Variants in GPATCH8 observed in about 807,000 individuals in gnomAD.
GPATCH8 encodes G-patch domain containing 8.
GPATCH8 carries 18 observed loss-of-function variants against 118.3 expected under a neutral mutation model. That is an observed-to-expected ratio of 0.15 (90% CI 0.11 to 0.23). The LOEUF (loss-of-function observed/expected upper bound fraction) is 0.23, where lower values mean the gene tolerates loss of function less well. Among genes scored for constraint, GPATCH8 ranks in the 10% least tolerant of loss-of-function variants. GPATCH8 has a pLI of 1.00. For missense variants in GPATCH8, 1,631 were observed against 1,873.8 expected (o/e 0.87, Z 2.39); for synonymous variants, 659 against 684.7 (o/e 0.96, Z 0.59).
intron 3 of GPATCH8, among the ~76,000 whole-genome samples, chr17:44,448,514 GGAAGAAGGA>G (rs1568003932): frequency 2.9e-4 from 30 of 102,324 alleles, no homozygotes; most frequent in African/African-American, 1.1e-3. Flanking sequence ...GGGGGGGGGG[GGAAGAAGGA>G]GGAAGAAGAA....
chr17:44,477,635 C>A (rs1598600942), intron 1 of GPATCH8, among the ~76,000 whole-genome samples: 2 of 141,500 alleles, frequency 1.4e-5, no homozygotes, highest in African/African-American at 5.3e-5. Context: ...AAAGTCTATC[C>A]AAATAAAGAA....
At chr17:44,478,905 T>C (rs1967992706) in intron 1 of GPATCH8, among the ~76,000 whole-genome samples, 2 of 151,666 alleles carry the variant, frequency 1.3e-5, no homozygotes, top group Non-Finnish European at 2.9e-5. Flanking sequence ...CGCCCGGCTG[T>C]TTTTTATTTT....
intron 6 of GPATCH8, among the ~76,000 whole-genome samples, chr17:44,407,460 G>A (rs1035873326): frequency 2.6e-5 from 4 of 152,112 alleles, no homozygotes; most frequent in African/African-American, 9.7e-5. Context: ...ACATATATAT[G>A]TGTACATACA....
intron 1 of GPATCH8, among the ~76,000 whole-genome samples, chr17:44,481,738 A>T (rs750363964): frequency 2.6e-5 from 4 of 152,314 alleles, no homozygotes; most frequent in Admixed American, 6.5e-5. Flanking sequence ...TTTCACCTCT[A>T]AAAAATGTAT....
At chr17:44,429,953 C>T (rs1263695709) in intron 5 of GPATCH8, among the ~76,000 whole-genome samples, 5 of 152,010 alleles carry the variant, frequency 3.3e-5, no homozygotes, top group African/African-American at 7.2e-5. Context: ...TGCTTGAACC[C>T]GGGAGGCACA....
At position 44,491,532 on chromosome 17, in the gene GPATCH8, A is replaced by G. The variant is rs544939137; in HGVS notation, c.45+11794T>C. On this transcript the variant is annotated intron_variant, in intron 1 of 7. Coordinates refer to ENST00000591680, the MANE Select transcript of GPATCH8 (RefSeq NM_001002909.4). ...AATTCTTACAACTTCTTTGAAAAACATTTTTAAATGAATAATATTACTCAA... is the reference window on the plus strand; with the variant it reads ...AATTCTTACAACTTCTTTGAAAAACGTTTTTAAATGAATAATATTACTCAA... 4.6e-5 allele frequency among the ~76,000 whole-genome samples: 7 copies of G among 151,960 alleles called. No homozygotes were observed. The South Asian group carries it at 1.5e-3, about 32-fold the overall frequency.
intron 6 of GPATCH8, among the ~76,000 whole-genome samples, chr17:44,406,256 A>G (rs1227107945): frequency 6.6e-6 from 1 of 152,178 alleles, no homozygotes; most frequent in Admixed American, 6.5e-5. Flanking sequence ...TCTAATTAGG[A>G]CAGCATATCA....
At chr17:44,489,459 G>C (rs1053966826) in intron 1 of GPATCH8, among the ~76,000 whole-genome samples, 2 of 151,302 alleles carry the variant, frequency 1.3e-5, no homozygotes, top group Non-Finnish European at 2.9e-5. Flanking sequence ...TCCCACCTTA[G>C]CCTCCCAAGT....
chr17:44,443,539 G>A (rs2050773534), intron 3 of GPATCH8, among the ~76,000 whole-genome samples: 1 of 151,396 alleles, frequency 6.6e-6, no homozygotes, highest in Non-Finnish European at 1.5e-5. Flanking sequence ...GAGTTTTTAA[G>A]GTTTAAAAAA....
intron 6 of GPATCH8, among the ~76,000 whole-genome samples, chr17:44,406,508 G>GGGGGTT (rs1555622781): frequency 2.1e-5 from 2 of 94,310 alleles, no homozygotes; most frequent in Admixed American, 1.1e-4. Context: ...GGGGGGGGGG[G>GGGGGTT]TTATTTAAAT....
intron 1 of GPATCH8, among the ~76,000 whole-genome samples, chr17:44,482,624 T>C: frequency 6.7e-6 from 1 of 148,722 alleles, no homozygotes; most frequent in East Asian, 2.0e-4. Context: ...GGTTCGTAGG[T>C]GCAGCAAACC....
chr17:44,483,597 A>C (rs544371702), intron 1 of GPATCH8, among the ~76,000 whole-genome samples: 38 of 151,494 alleles, frequency 2.5e-4, no homozygotes, highest in African/African-American at 9.0e-4. Context: ...TTTCATACTT[A>C]CTGCATTTTA....
At chr17:44,418,853 T>TAG (rs1555626264) in intron 6 of GPATCH8, among the ~76,000 whole-genome samples, 1 of 152,232 alleles carries the variant, frequency 6.6e-6, no homozygotes, top group African/African-American at 2.4e-5. Context: ...GGCCTACTCT[T>TAG]AGAGATTTCA....
chr17:44,424,471 C>T lies in GPATCH8; in HGVS notation c.370G>A (p.Ala124Thr). ...KYKDYVDKEKAIAKALEDLRA... is the reference protein window; with the variant it reads ...KYKDYVDKEKTIAKALEDLRA... ...AGGTCTTCCAAGGCTTTGGCAATTG[C>T]CTTCTCTTTGTCAACATAATCCTTC... Residue 124 changes from alanine (A) to threonine (T), a missense_variant, in exon 6 of 8, where the codon GCA (alanine) becomes ACA (threonine). Physicochemically the swap from Ala to Thr is moderately conservative, Grantham distance 58. Around this residue, in one of 8 missense-constraint regions of GPATCH8, gnomAD observed 81 missense variants for 227.6 expected, o/e 0.36. Transcript: ENST00000591680. The T allele has an allele frequency of 3.7e-6, 6 of 1,608,296 alleles. No homozygotes were observed. Among genetic ancestry groups the T allele is most frequent in the Non-Finnish European group, 5.1e-6 (6 of 1,174,836 alleles).
intron 3 of GPATCH8, among the ~76,000 whole-genome samples, chr17:44,448,555 GGAAGAAGAAGAGGAAGAGGAA>G (rs1244128726): frequency 7.7e-4 from 77 of 99,750 alleles, no homozygotes; most frequent in African/African-American, 2.5e-3. Flanking sequence ...AAGAGGAAGA[GGAAGAAGAAGAGGAAGAGGAA>G]GAAGAAGAAG....
intron 3 of GPATCH8, among the ~76,000 whole-genome samples, chr17:44,459,108 A>C (rs2051450349): frequency 6.6e-6 from 1 of 152,182 alleles, no homozygotes; most frequent in African/African-American, 2.4e-5. Flanking sequence ...AGTTAGACTC[A>C]GGAGTAGAGA....
chr17:44,471,490 T>C (rs990986014), intron 2 of GPATCH8, among the ~76,000 whole-genome samples: 1 of 152,162 alleles, frequency 6.6e-6, no homozygotes, highest in Non-Finnish European at 1.5e-5. Context: ...CTGCTGCAGA[T>C]TACCTTTGGT....
intron 6 of GPATCH8, among the ~76,000 whole-genome samples, chr17:44,413,688 A>C (rs1326652417): frequency 6.6e-6 from 1 of 151,970 alleles, no homozygotes; most frequent in Non-Finnish European, 1.5e-5. Context: ...ATGCAGTGGC[A>C]TGATCTCTGT....
Position 44,449,987 on chromosome 17 carries a change from T to A in GPATCH8, c.194-13442A>T, listed in dbSNP as rs183165824. ...TTTCTCAATCTTTTAAGTGGCATTATGTCTTATTCTATATACTGGAGAGAG... is the reference window on the plus strand; with the variant it reads ...TTTCTCAATCTTTTAAGTGGCATTAAGTCTTATTCTATATACTGGAGAGAG... On this transcript the variant is annotated intron_variant, in intron 3 of 7. Coordinates refer to ENST00000591680, the MANE Select transcript of GPATCH8 (RefSeq NM_001002909.4). 6.3e-4 allele frequency among the ~76,000 whole-genome samples: 96 copies of A among 152,362 alleles called. 1 individual carries two copies. The highest frequency in any genetic ancestry group is 3.2e-3 in the Admixed American group (49 of 15,308).
Sources: gnomAD v4.1 joint callset for allele counts (sites outside exome capture counted in the v4.1 genomes callset) on GRCh38, gnomAD v4.1.1 for gene constraint, gnomAD v4.1.1 regional missense constraint, MANE v1.5 for transcripts, NCBI Gene and HGNC (gene_info 2026-07-23, HGNC 2026-07-21) for gene names.